Variants in LRRC69 observed in about 807,000 individuals in gnomAD.
The protein encoded by LRRC69 is leucine-rich repeat-containing protein 69.
In LRRC69, 42 loss-of-function variants were observed where a neutral mutation model predicts 37.8. The observed-to-expected ratio is 1.11, with a 90% confidence interval of 0.87 to 1.44. The LOEUF is 1.44. LRRC69 is among the 40% of genes most tolerant of loss of function. The pLI, the probability that LRRC69 is intolerant of heterozygous loss-of-function variation, is 0.00. For missense variants in LRRC69, 357 were observed against 401.9 expected (o/e 0.89, Z 0.96); for synonymous variants, 141 against 143.1 (o/e 0.99, Z 0.11).
chr8:91,105,229 C>A (rs1407140529), intron 1 of LRRC69, among the ~76,000 whole-genome samples: 3 of 151,464 alleles, frequency 2.0e-5, no homozygotes, highest in Admixed American at 6.6e-5. Flanking sequence ...TATATAGGGT[C>A]TTGGAGAAAT....
At chr8:91,192,711 A>C (rs917878435) in intron 6 of LRRC69, among the ~76,000 whole-genome samples, 1 of 151,556 alleles carries the variant, frequency 6.6e-6, no homozygotes, top group Admixed American at 6.6e-5. Flanking sequence ...TTTTCTTGTA[A>C]ATTTGTTTGA....
intron 5 of LRRC69, among the ~76,000 whole-genome samples, chr8:91,153,766 G>T (rs1188052292): frequency 6.6e-6 from 1 of 151,888 alleles, no homozygotes; most frequent in East Asian, 1.9e-4. Context: ...AAGCTAGAAA[G>T]ATCTCAAATT....
chr8:91,153,402 G>T (rs545359826), intron 5 of LRRC69, among the ~76,000 whole-genome samples: 1 of 150,922 alleles, frequency 6.6e-6, no homozygotes, highest in East Asian at 2.0e-4. Context: ...CCAAACAACA[G>T]AATATACAGT....
chr8:91,197,763 A>G (rs1264461696), intron 6 of LRRC69, among the ~76,000 whole-genome samples: 3 of 151,470 alleles, frequency 2.0e-5, no homozygotes, highest in African/African-American at 7.3e-5. Context: ...TAGTGAGATG[A>G]ACCCGGTACC....
At chr8:91,186,923 C>A (rs1312009233) in intron 5 of LRRC69, among the ~76,000 whole-genome samples, 1 of 152,090 alleles carries the variant, frequency 6.6e-6, no homozygotes, top group African/African-American at 2.4e-5. Flanking sequence ...AAGGAAAAAG[C>A]ATAATTTAGG....
intron 1 of LRRC69, among the ~76,000 whole-genome samples, chr8:91,116,019 C>T (rs1813504820): frequency 6.6e-6 from 1 of 151,800 alleles, no homozygotes; most frequent in Admixed American, 6.6e-5. Context: ...ATAACCTATG[C>T]CTAATAAAAG....
intron 5 of LRRC69, among the ~76,000 whole-genome samples, chr8:91,181,038 T>C (rs1208989089): frequency 1.3e-5 from 2 of 152,202 alleles, no homozygotes; most frequent in African/African-American, 4.8e-5. Flanking sequence ...ATTGGAACTG[T>C]CCAAAGGGGC....
intron 5 of LRRC69, chr8:91,157,189 C>G (rs1808851167): frequency 1.2e-6 from 1 of 864,898 alleles, no homozygotes; most frequent in African/African-American, 1.7e-5. Flanking sequence ...TGCTTCGAAT[C>G]TGTAGATTGC....
intron 5 of LRRC69, among the ~76,000 whole-genome samples, chr8:91,180,129 T>G (rs754246095): frequency 6.6e-6 from 1 of 152,226 alleles, no homozygotes; most frequent in African/African-American, 2.4e-5. Context: ...ATTTAGCTGC[T>G]TAAAGCATCA....
At position 91,158,082 on chromosome 8, in the gene LRRC69, A is replaced by C. The variant is rs1300646022; in HGVS notation, c.651+22343A>C. 3.1e-5 allele frequency: 45 copies of C among 1,466,940 alleles called. No individual in the cohort carries two copies. The South Asian group carries it at 4.5e-4, about 15-fold the overall frequency. The allele number at this position is 1,466,940 out of a possible 1,614,324, so 90.9% of individuals were successfully genotyped here. On this transcript the variant is annotated intron_variant, in intron 5 of 7. Coordinates refer to ENST00000448384, the Ensembl canonical transcript of LRRC69. ...ACAAGGCCCTACTCAATACATGCCC[A>C]TGGGGTACAAACGGAGAGTTCTACA...
intron 5 of LRRC69, among the ~76,000 whole-genome samples, chr8:91,148,531 C>T (rs964832943): frequency 4.1e-4 from 62 of 151,898 alleles, no homozygotes; most frequent in Non-Finnish European, 7.8e-4. Context: ...TGAATAGTGC[C>T]GCAATAAACA....
chr8:91,106,952 C>T (rs1306783712), intron 1 of LRRC69, among the ~76,000 whole-genome samples: 1 of 151,188 alleles, frequency 6.6e-6, no homozygotes, highest in Non-Finnish European at 1.5e-5. Flanking sequence ...GCCACTACCC[C>T]TGGCTAATTA....
At chr8:91,132,723 T>C (rs938560899) in intron 3 of LRRC69, among the ~76,000 whole-genome samples, 3 of 152,036 alleles carry the variant, frequency 2.0e-5, no homozygotes, top group Non-Finnish European at 4.4e-5. Flanking sequence ...GGTATATTTA[T>C]GTCTATGTAT....
Position 91,148,792 on chromosome 8 carries a change from T to G in LRRC69, c.651+13053T>G, listed in dbSNP as rs995936488. Among the ~76,000 whole-genome samples, 84 of 151,996 alleles carry G rather than the reference T, an allele frequency of 5.5e-4. 2 individuals carry two copies. The East Asian group carries it at 8.3e-3, about 15-fold the overall frequency. ...TTGCCATTCTAACTGGTGTGAGATG[T>G]TATCTCATTGTGGTTTTGATTTGCA... On this transcript the variant is annotated intron_variant, in intron 5 of 7. Coordinates refer to ENST00000448384, the Ensembl canonical transcript of LRRC69.
intron 5 of LRRC69, among the ~76,000 whole-genome samples, chr8:91,150,646 T>C (rs544410241): frequency 6.6e-6 from 1 of 152,016 alleles, no homozygotes; most frequent in South Asian, 2.1e-4. Flanking sequence ...ATTGGAATAG[T>C]TTCAGAAGGA....
At chr8:91,117,185 T>C (rs1813525249) in intron 1 of LRRC69, among the ~76,000 whole-genome samples, 1 of 152,002 alleles carries the variant, frequency 6.6e-6, no homozygotes, top group African/African-American at 2.4e-5. Context: ...TATAGGTTCA[T>C]CTTTTGGGCA....
rs2130557564 is a variant in LRRC69 at position 91,156,848 on chromosome 8, TTTTCC to T, written c.651+21110_651+21114del. 1.1e-4 allele frequency among the ~76,000 whole-genome samples: 17 copies of T among 151,288 alleles called. 1 individual carries two copies. In the South Asian group the frequency reaches 3.5e-3, roughly 32 times the overall value. On this transcript the variant is annotated intron_variant, in intron 5 of 7. Transcript: ENST00000448384. ...CAATCTTCTGTGTATGGATATTCAATTTTCCCAGCACCGTTTTTTGAAGAGGCTCT... is the reference window on the plus strand; with the variant it reads ...CAATCTTCTGTGTATGGATATTCAATCAGCACCGTTTTTTGAAGAGGCTCT...
intron 7 of LRRC69, among the ~76,000 whole-genome samples, chr8:91,213,374 C>T (rs1809972091): frequency 6.6e-6 from 1 of 152,078 alleles, no homozygotes; most frequent in Non-Finnish European, 1.5e-5. Context: ...CAGGACTGTC[C>T]TTGGCAAATC....
At chr8:91,152,057 T>C (rs1230336559) in intron 5 of LRRC69, among the ~76,000 whole-genome samples, 1 of 151,492 alleles carries the variant, frequency 6.6e-6, no homozygotes, top group Non-Finnish European at 1.5e-5. Flanking sequence ...AGATGGGTAG[T>C]TTGCAAAAAT....
Sources: gnomAD v4.1 joint callset for allele counts (sites outside exome capture counted in the v4.1 genomes callset) on GRCh38, gnomAD v4.1.1 for gene constraint, MANE v1.5 for transcripts, NCBI Gene and HGNC (gene_info 2026-07-23, HGNC 2026-07-21) for gene names.